The following KCNN2 variants were observed in gnomAD, a reference collection of about 807,000 sequenced individuals.
KCNN2 encodes potassium calcium-activated channel subfamily N member 2.
In KCNN2, 24 loss-of-function variants were observed where a neutral mutation model predicts 55.5. The observed-to-expected ratio is 0.43, with a 90% confidence interval of 0.31 to 0.61. KCNN2 has a LOEUF of 0.61. Ranked by LOEUF, KCNN2 falls within the 20% of genes least tolerant of loss-of-function variation. The pLI, the probability that KCNN2 is intolerant of heterozygous loss-of-function variation, is 0.08. For missense variants in KCNN2, 754 were observed against 853.6 expected, an observed-to-expected ratio of 0.88 and a Z score of 1.45; for synonymous variants, 431 against 336.1, an observed-to-expected ratio of 1.28 and a Z score of -3.09.
intron 3 of KCNN2, among the ~76,000 whole-genome samples, chr5:114,407,968 A>G (rs560307956): frequency 1.2e-4 from 18 of 152,304 alleles, no homozygotes; most frequent in African/African-American, 4.3e-4. Context: ...GCAGAAGAGG[A>G]CATCTGTGTG....
chr5:114,171,566 G>A (rs936325100), intron 1 of KCNN2, among the ~76,000 whole-genome samples: 5 of 151,766 alleles, frequency 3.3e-5, no homozygotes, highest in African/African-American at 9.7e-5. Flanking sequence ...AGGACTTATC[G>A]CTCTCCTTAT....
chr5:114,449,085 C>G (rs1426165723), intron 3 of KCNN2, among the ~76,000 whole-genome samples: 1 of 152,100 alleles, frequency 6.6e-6, no homozygotes, highest in Non-Finnish European at 1.5e-5. Flanking sequence ...ACAGAACGAT[C>G]GTGAGCTTTC....
chr5:114,236,862 A>G (rs189577905), intron 2 of KCNN2, among the ~76,000 whole-genome samples: 7 of 152,274 alleles, frequency 4.6e-5, no homozygotes, highest in Admixed American at 4.6e-4. Context: ...ACTATGCTAT[A>G]CGTAATATTT....
chr5:114,494,112 T>C (rs1271530182), intron 7 of KCNN2, among the ~76,000 whole-genome samples: 1 of 152,116 alleles, frequency 6.6e-6, no homozygotes, highest in Non-Finnish European at 1.5e-5. Flanking sequence ...AAACCCATTC[T>C]TAAAACATAA....
intron 1 of KCNN2, among the ~76,000 whole-genome samples, chr5:114,171,403 G>T (rs758379296): frequency 5.9e-5 from 9 of 151,824 alleles, no homozygotes; most frequent in Non-Finnish European, 1.2e-4. Flanking sequence ...TATCAATATT[G>T]TTCCTTTGGC....
chr5:114,062,561 A>G lies in KCNN2; in HGVS notation c.-271+6061A>G, dbSNP rs571812807. 2.6e-5 allele frequency among the ~76,000 whole-genome samples: 4 copies of G among 152,354 alleles called. No individual in the cohort carries two copies. The East Asian group carries it at 7.7e-4, about 29-fold the overall frequency. ...TTTTAATTTTCATTTGCTTCAGTGTACTAGGGATCAAGTTACATGTTAATT... is the reference window on the plus strand; with the variant it reads ...TTTTAATTTTCATTTGCTTCAGTGTGCTAGGGATCAAGTTACATGTTAATT... On this transcript the variant is annotated intron_variant, in intron 1 of 10. Coordinates refer to the KCNN2 transcript ENST00000512097.
intron 1 of KCNN2, among the ~76,000 whole-genome samples, chr5:114,159,999 T>A (rs558536678): frequency 1.3e-5 from 2 of 152,284 alleles, no homozygotes; most frequent in East Asian, 1.9e-4. Context: ...GTGTCTCTGT[T>A]TCCTTCAGTT....
chr5:114,231,782 A>G (rs1002811487), intron 2 of KCNN2, among the ~76,000 whole-genome samples: 17 of 150,904 alleles, frequency 1.1e-4, no homozygotes, highest in Admixed American at 8.5e-4. Flanking sequence ...CTCCAAAACT[A>G]TGTCCATCAC....
chr5:114,464,981 A>G (rs374983594), intron 4 of KCNN2, among the ~76,000 whole-genome samples: 2 of 152,134 alleles, frequency 1.3e-5, no homozygotes, highest in South Asian at 2.1e-4. Flanking sequence ...AAATGATGCT[A>G]TTTATAAAAA....
intron 1 of KCNN2, among the ~76,000 whole-genome samples, chr5:114,189,983 A>G (rs1462577509): frequency 6.6e-6 from 1 of 152,214 alleles, no homozygotes; most frequent in African/African-American, 2.4e-5. Context: ...TAACAAAAGA[A>G]AAATAAAATG....
At chr5:114,338,095 G>C (rs1041450515) in intron 2 of KCNN2, among the ~76,000 whole-genome samples, 1 of 152,096 alleles carries the variant, frequency 6.6e-6, no homozygotes, top group African/African-American at 2.4e-5. Context: ...TATGAATAGC[G>C]TTTTTTAAGG....
At chr5:114,185,597 T>A (rs1286555280) in intron 1 of KCNN2, among the ~76,000 whole-genome samples, 1 of 152,158 alleles carries the variant, frequency 6.6e-6, no homozygotes. Flanking sequence ...TCTCACCCAA[T>A]AAAACCCTGC....
At chr5:114,281,397 CTG>C (rs1055090060) in intron 2 of KCNN2, among the ~76,000 whole-genome samples, 4 of 152,124 alleles carry the variant, frequency 2.6e-5, no homozygotes, top group Non-Finnish European at 5.9e-5. Context: ...ATTTTAAAGA[CTG>C]AGAAATCTGG....
chr5:114,167,666 C>G (rs768480991), intron 1 of KCNN2, among the ~76,000 whole-genome samples: 1 of 152,004 alleles, frequency 6.6e-6, no homozygotes, highest in Non-Finnish European at 1.5e-5. Flanking sequence ...TGGACCTGCC[C>G]CATTTCAAAA....
intron 2 of KCNN2, among the ~76,000 whole-genome samples, chr5:114,289,082 C>T (rs1198148442): frequency 6.6e-6 from 1 of 152,134 alleles, no homozygotes; most frequent in Non-Finnish European, 1.5e-5. Flanking sequence ...TTTACCAGCA[C>T]CATTTGTTGG....
chr5:114,456,013 A>C (rs543234653), intron 3 of KCNN2, among the ~76,000 whole-genome samples: 2 of 152,370 alleles, frequency 1.3e-5, no homozygotes, highest in South Asian at 2.1e-4. Context: ...TGGCGACAGC[A>C]AGGTGTCCAC....
intron 2 of KCNN2, among the ~76,000 whole-genome samples, chr5:114,299,018 T>C (rs1756094866): frequency 1.3e-5 from 2 of 152,194 alleles, no homozygotes; most frequent in South Asian, 4.1e-4. Context: ...TAACCCAGTA[T>C]TGGGGCTGTT....
intron 6 of KCNN2, chr5:114,488,935 T>C (rs1343010517): frequency 1.3e-5 from 2 of 152,204 alleles, no homozygotes; most frequent in Non-Finnish European, 2.9e-5. Flanking sequence ...GGGTATGAGA[T>C]GACACGGCAG....
chr5:114,268,122 C>A (rs958457045), intron 2 of KCNN2, among the ~76,000 whole-genome samples: 4 of 152,220 alleles, frequency 2.6e-5, no homozygotes, highest in African/African-American at 9.6e-5. Flanking sequence ...TGCACACTCA[C>A]CAAAGCTCAT....
Sources: allele counts gnomAD v4.1 joint callset (sites outside exome capture counted in the v4.1 genomes callset), GRCh38; gene constraint gnomAD v4.1.1; transcripts MANE v1.5; gene names NCBI Gene and HGNC (gene_info 2026-07-23, HGNC 2026-07-21).